The following SBF2 variants were observed in gnomAD, a reference collection of about 807,000 sequenced individuals.
SBF2 encodes the protein SET binding factor 2.
SBF2 carries 112 observed loss-of-function variants against 225.2 expected under a neutral mutation model. That is an observed-to-expected ratio of 0.50 (90% confidence interval 0.43 to 0.58). The LOEUF is 0.58. SBF2 is among the 20% of genes least tolerant of loss of function. The pLI is 0.00. For missense variants in SBF2, 1,996 were observed against 2,206.2 expected (o/e 0.90, Z 1.91); for synonymous variants, 763 against 773.3 (o/e 0.99, Z 0.22).
At chr11:9,856,764 A>C (rs774587419) in intron 18 of SBF2, 44 bp from the exon 19 acceptor site, 3 of 1,556,234 alleles carry the variant, frequency 1.9e-6, no homozygotes. Flanking sequence ...CCATCACTTC[A>C]GGTGAGCTTA....
chr11:10,189,709 A>G (rs1163770048), intron 2 of SBF2, among the ~76,000 whole-genome samples: 2 of 152,186 alleles, frequency 1.3e-5, no homozygotes, highest in Non-Finnish European at 2.9e-5. Context: ...TCAAGCCACA[A>G]AATTTATTTA....
chr11:10,128,731 T>A (rs1322719376), intron 2 of SBF2, among the ~76,000 whole-genome samples: 8 of 152,238 alleles, frequency 5.3e-5, no homozygotes, highest in Admixed American at 5.2e-4. Context: ...TTGGCAGTTT[T>A]ATTAATTTAT....
At chr11:10,046,748 A>C (rs972887104) in intron 2 of SBF2, among the ~76,000 whole-genome samples, 14 of 151,988 alleles carry the variant, frequency 9.2e-5, no homozygotes, top group Non-Finnish European at 1.5e-4. Flanking sequence ...ACTGCTTCTC[A>C]ATATTATCCT....
At chr11:9,900,729 C>T (rs968494771) in intron 16 of SBF2, among the ~76,000 whole-genome samples, 4 of 152,086 alleles carry the variant, frequency 2.6e-5, no homozygotes, top group African/African-American at 9.7e-5. Flanking sequence ...ACAAAAAGAT[C>T]ATTTAAAAAA....
At chr11:10,110,887 T>C (rs1317672577) in intron 2 of SBF2, among the ~76,000 whole-genome samples, 2 of 152,164 alleles carry the variant, frequency 1.3e-5, no homozygotes, top group African/African-American at 4.8e-5. Context: ...TTATAATAAT[T>C]GTAAACAGAT....
At chr11:10,249,264 T>C (rs1960106738) in intron 1 of SBF2, among the ~76,000 whole-genome samples, 2 of 152,076 alleles carry the variant, frequency 1.3e-5, no homozygotes, top group Non-Finnish European at 2.9e-5. Flanking sequence ...TTATAAAAGG[T>C]TTATAAAAAT....
At chr11:10,265,645 G>A (rs561586580) in intron 1 of SBF2, among the ~76,000 whole-genome samples, 3 of 152,134 alleles carry the variant, frequency 2.0e-5, no homozygotes, top group Admixed American at 2.0e-4. Flanking sequence ...TAAATATTAT[G>A]GACTTATGTG....
chr11:10,287,739 G>C (rs1375390545), intron 1 of SBF2, among the ~76,000 whole-genome samples: 4 of 152,218 alleles, frequency 2.6e-5, no homozygotes, highest in African/African-American at 7.2e-5. Context: ...CCAGAAACCT[G>C]TGGCTGGTGG....
intron 13 of SBF2, among the ~76,000 whole-genome samples, chr11:9,985,090 T>G (rs1947141391): frequency 6.6e-6 from 1 of 152,204 alleles, no homozygotes; most frequent in Admixed American, 6.5e-5. Context: ...AAAGCAACAG[T>G]ACCTCACATT....
rs562154326 is a variant in SBF2 at position 10,202,375 on chromosome 11, C to T, written c.56-8388G>A. Among the ~76,000 whole-genome samples the T allele has an allele frequency of 8.5e-5, 13 of 152,260 alleles. No homozygotes were observed. In the East Asian group the frequency reaches 9.6e-4, roughly 11 times the overall value. On this transcript the variant is annotated intron_variant, in intron 1 of 39. Transcript: ENST00000256190. ...CCCTGCTTCCTGTTTCACTTCACTC[C>T]GAGTCATGTTCAAGTTTCCGGCAGT... is the stretch of plus-strand genomic sequence containing the variant.
intron 27 of SBF2, among the ~76,000 whole-genome samples, chr11:9,830,517 A>G (rs1047539152): frequency 2.0e-5 from 3 of 152,196 alleles, no homozygotes; most frequent in Non-Finnish European, 4.4e-5. Context: ...AGGCAGGCAG[A>G]TCACCTGAGG....
At chr11:9,829,299 A>T (rs1307701643) in intron 28 of SBF2, 57 bp downstream of exon 28, 1 of 1,564,204 alleles carries the variant, frequency 6.4e-7, no homozygotes, top group African/African-American at 1.4e-5. Context: ...TAACCCTAGG[A>T]ACAGAACTGA....
At chr11:10,265,342 G>A (rs186893728) in intron 1 of SBF2, among the ~76,000 whole-genome samples, 2 of 152,158 alleles carry the variant, frequency 1.3e-5, no homozygotes, top group Non-Finnish European at 2.9e-5. Context: ...CAGTGATGAT[G>A]AGCATTTTTT....
intron 2 of SBF2, among the ~76,000 whole-genome samples, chr11:10,183,243 A>C (rs151123723): frequency 3.3e-5 from 5 of 152,314 alleles, no homozygotes; most frequent in African/African-American, 1.2e-4. Flanking sequence ...CGCTGCTTAA[A>C]GCGTCCCACA....
intron 3 of SBF2, among the ~76,000 whole-genome samples, chr11:10,039,977 GAA>G (rs1949590056): frequency 6.6e-6 from 1 of 151,962 alleles, no homozygotes; most frequent in African/African-American, 2.4e-5. Context: ...AAACAGACAG[GAA>G]GAGAGAGTTC....
intron 2 of SBF2, among the ~76,000 whole-genome samples, chr11:10,079,682 G>C (rs1951280948): frequency 6.6e-6 from 1 of 152,134 alleles, no homozygotes; most frequent in African/African-American, 2.4e-5. Context: ...AAATAATTAT[G>C]GAAAACTACC....
chr11:9,932,403 G>C (rs1864559802), intron 16 of SBF2, among the ~76,000 whole-genome samples: 1 of 152,180 alleles, frequency 6.6e-6, no homozygotes, highest in Non-Finnish European at 1.5e-5. Context: ...TACCCACAAA[G>C]GGAAGCCCAT....
chr11:10,020,510 T>C (rs923769025), intron 6 of SBF2, among the ~76,000 whole-genome samples: 3 of 152,096 alleles, frequency 2.0e-5, no homozygotes, highest in Admixed American at 6.6e-5. Flanking sequence ...AGTTGCCCGC[T>C]TGGCCCAATT....
At chr11:9,796,874 T>C (rs1326026708) in intron 32 of SBF2, among the ~76,000 whole-genome samples, 1 of 152,186 alleles carries the variant, frequency 6.6e-6, no homozygotes, top group Non-Finnish European at 1.5e-5. Flanking sequence ...AAGCTTGGAA[T>C]GGTCATTGAG....
Sources: gnomAD v4.1 joint callset for allele counts (sites outside exome capture counted in the v4.1 genomes callset) on GRCh38, gnomAD v4.1.1 for gene constraint, MANE v1.5 for transcripts, NCBI Gene and HGNC (gene_info 2026-07-23, HGNC 2026-07-21) for gene names.